ZFX: variants seen among roughly 807,000 people sequenced by gnomAD.
The protein encoded by ZFX is zinc finger protein X-linked.
For missense variants in ZFX, 362 were observed against 628.3 expected, an observed-to-expected ratio of 0.58 and a Z score of 4.53; for synonymous variants, 196 against 226.8, an observed-to-expected ratio of 0.86 and a Z score of 1.22.
At chrX:24,181,111 TATAAC>T (rs1935648395) in intron 5 of ZFX, among the ~76,000 whole-genome samples, 1 of 112,641 alleles carries the variant, frequency 8.9e-6, no homozygotes, top group African/African-American at 3.2e-5. Flanking sequence ...AGGAATTTAA[TATAAC>T]ATTAATATAC....
intron 5 of ZFX, among the ~76,000 whole-genome samples, chrX:24,193,467 G>A (rs1482259288): frequency 9.0e-6 from 1 of 111,697 alleles, no homozygotes; most frequent in Non-Finnish European, 1.9e-5. Context: ...AATGGGTATG[G>A]TGTTTCTTTA....
Position 24,214,805 on chromosome X carries a change from C to T in ZFX, c.*3429C>T. 8.9e-6 allele frequency: 1 copy of T among 111,935 alleles called. No homozygotes were observed. The highest frequency in any genetic ancestry group is 1.9e-5 in the Non-Finnish European group (1 of 53,197). 9.2% of individuals were successfully genotyped at this position (111,935 alleles called of 1,213,427 possible). On this transcript the variant is annotated 3_prime_UTR_variant, in exon 10 of 10. Transcript: ENST00000304543. ...TTTTGAGAGCACTTAAAGTTCATTT[C>T]AGTATTAATTTACAGCATATTTAAT...
intron 4 of ZFX, chrX:24,173,610 G>A (rs1443399608): frequency 4.4e-6 from 5 of 1,129,646 alleles, no homozygotes; most frequent in South Asian, 2.0e-5. Context: ...TTTTCAGACA[G>A]GGTCTCGTTC....
At chrX:24,172,830 A>G (rs1233368601) in intron 4 of ZFX, 30 bp downstream of exon 4, 1 of 1,161,248 alleles carries the variant, frequency 8.6e-7, no homozygotes, top group Non-Finnish European at 1.2e-6. Flanking sequence ...TCCACTTCCC[A>G]TCTACCAGAT....
At position 24,207,148 on chromosome X, in the gene ZFX, G is replaced by A. The variant is rs1367440779; in HGVS notation, c.647-178G>A. ...CTCGGGAGGCTGAGGCAGGAGAATG[G>A]CTTGAACCTGGGAGGCGGAGGTTGC... is the stretch of plus-strand genomic sequence containing the variant. On this transcript the variant is annotated intron_variant, in intron 5 of 9. Transcript: ENST00000304543. 1.2e-5 allele frequency: 5 copies of A among 419,004 alleles called. No homozygotes were observed. In the Admixed American group the frequency reaches 1.8e-4, roughly 15 times the overall value. 34.5% of individuals were successfully genotyped at this position (419,004 alleles called of 1,213,427 possible).
chrX:24,191,473 C>G (rs1936520523), intron 5 of ZFX, among the ~76,000 whole-genome samples: 1 of 111,718 alleles, frequency 9.0e-6, no homozygotes, highest in African/African-American at 3.3e-5. Context: ...ATGTATTTAT[C>G]TACTAAAGCA....
rs1168706158 is a variant in ZFX at position 24,179,713 on chromosome X, C to T, written c.589C>T (p.Pro197Ser). 1 of 1,210,874 alleles carries T rather than the reference C, an allele frequency of 8.3e-7. No homozygotes were observed. Among genetic ancestry groups the T allele is most frequent in the Non-Finnish European group, 1.1e-6 (1 of 895,477 alleles). The change falls in exon 5 of 10, where the codon CCT becomes TCT. Residue 197 changes from proline (P) to serine (S), a missense_variant. Coordinates refer to ENST00000304543, the MANE Select transcript of ZFX (RefSeq NM_003410.4). ...AGCAGTCATAGATGCCAATGGGATCCCTGTGGACCAGCAGGATGATGACAA... is the reference window on the plus strand; with the variant it reads ...AGCAGTCATAGATGCCAATGGGATCTCTGTGGACCAGCAGGATGATGACAA... Reference protein sequence around the residue: ...SEAVIDANGIPVDQQDDDKGN... With the variant: ...SEAVIDANGISVDQQDDDKGN...
chrX:24,184,856 CGTGCACACAT>C (rs1397478344), intron 5 of ZFX, among the ~76,000 whole-genome samples: 6 of 112,046 alleles, frequency 5.4e-5, no homozygotes, highest in African/African-American at 9.7e-5. Context: ...TGAGCATTTG[CGTGCACACAT>C]GTGCTATTCC....
chrX:24,186,188 C>T (rs1304483723), intron 5 of ZFX, among the ~76,000 whole-genome samples: 1 of 111,033 alleles, frequency 9.0e-6, no homozygotes, highest in Non-Finnish European at 1.9e-5. Flanking sequence ...GGCCAGATGT[C>T]CAAGTACTCT....
intron 3 of ZFX, among the ~76,000 whole-genome samples, chrX:24,167,831 T>C (rs1934148690): frequency 8.9e-6 from 1 of 111,815 alleles, no homozygotes; most frequent in African/African-American, 3.2e-5. Context: ...GAGGAAAGTA[T>C]AGAAACAACA....
At chrX:24,207,015 C>T (rs1235467908) in intron 5 of ZFX, 1 of 194,669 alleles carries the variant, frequency 5.1e-6, no homozygotes, top group Non-Finnish European at 9.5e-6. Context: ...GGGCAGATCA[C>T]GAGGTCAGGA....
rs150173584 is a variant in ZFX, at chrX:24,211,271, G to A, written c.2313G>A (p.Thr771=). The part of the protein sequence containing the change: ...GFKRHVISIH[T]KDYPHRCEYC... ...AACGGCACGTTATTTCCATTCACAC[G>A]AAAGACTATCCTCACCGGTGTGAGT... Residue 771 remains threonine, a synonymous_variant, in exon 10 of 10, where the codon ACG becomes ACA. Coordinates refer to ENST00000304543, the MANE Select transcript of ZFX (RefSeq NM_003410.4). 7.4e-5 allele frequency: 90 copies of A among 1,210,561 alleles called. No individual in the cohort carries two copies. In the African/African-American group the frequency reaches 1.5e-3, roughly 20 times the overall value.
rs950180905 is a variant in ZFX, at chrX:24,215,470, G to A, written c.*4094G>A. 1 of 111,541 alleles carries A rather than the reference G, an allele frequency of 9.0e-6. No individual in the cohort carries two copies. The highest frequency in any genetic ancestry group is 2.8e-4 in the East Asian group (1 of 3,594). The allele number at this position is 111,541 out of a possible 1,213,427, so 9.2% of individuals were successfully genotyped here. On this transcript the variant is annotated 3_prime_UTR_variant, in exon 10 of 10. Transcript: ENST00000304543. ...AGTCCTACTGAATTGGGAAACTGGC[G>A]TGGGACCCAGCAGTCTTTGTTTTAA... is the stretch of plus-strand genomic sequence containing the variant.
chrX:24,199,897 A>C (rs1410843597), intron 5 of ZFX, among the ~76,000 whole-genome samples: 1 of 108,867 alleles, frequency 9.2e-6, no homozygotes, highest in Non-Finnish European at 1.9e-5. Context: ...AGTCTGGGCA[A>C]CAAGAGCGAA....
intron 5 of ZFX, among the ~76,000 whole-genome samples, chrX:24,197,944 G>A (rs1303907345): frequency 8.9e-6 from 1 of 111,924 alleles, no homozygotes; most frequent in Non-Finnish European, 1.9e-5. Context: ...TCTTGACAGG[G>A]ATGGGGGAAC....
chrX:24,205,436 T>A (rs1478270190), intron 5 of ZFX, among the ~76,000 whole-genome samples: 2 of 112,890 alleles, frequency 1.8e-5, no homozygotes, highest in African/African-American at 6.4e-5. Flanking sequence ...ATGGGGATTA[T>A]GCTTTTGGTA....
intron 5 of ZFX, among the ~76,000 whole-genome samples, chrX:24,205,842 C>T (rs755026281): frequency 9.1e-6 from 1 of 109,929 alleles, no homozygotes; most frequent in East Asian, 2.8e-4. Context: ...GACTCTGTTT[C>T]AAAATAAATA....
intron 5 of ZFX, among the ~76,000 whole-genome samples, chrX:24,182,281 A>G (rs1280030114): frequency 1.8e-5 from 2 of 111,293 alleles, no homozygotes; most frequent in African/African-American, 6.5e-5. Context: ...TGCTAGAGGA[A>G]GAAATTTAGG....
In ZFX at chrX:24,201,908, T is replaced by C. The variant is rs749112431; in HGVS notation, c.647-5418T>C. On this transcript the variant is annotated intron_variant, in intron 5 of 9. Coordinates refer to ENST00000304543, the MANE Select transcript of ZFX (RefSeq NM_003410.4). Reference sequence around the variant, plus strand: ...AAAGACTTTAACCAGTTGGACTCTTTAAGCCTTCATATCATTAAGCTTGTC... The same window carrying C: ...AAAGACTTTAACCAGTTGGACTCTTCAAGCCTTCATATCATTAAGCTTGTC... Among the ~76,000 whole-genome samples the C allele has an allele frequency of 5.3e-5, 6 of 112,196 alleles. No individual in the cohort carries two copies. In the East Asian group the frequency reaches 1.1e-3, roughly 21 times the overall value.
Sources: allele counts gnomAD v4.1 joint callset (sites outside exome capture counted in the v4.1 genomes callset), GRCh38; gene constraint gnomAD v4.1.1; transcripts MANE v1.5; gene names NCBI Gene and HGNC (gene_info 2026-07-23, HGNC 2026-07-21).